The following ADGRG1 variants were observed in gnomAD, a reference collection of about 807,000 sequenced individuals.
ADGRG1 encodes the protein 7-transmembrane protein with no EGF-like N-terminal domains-1.
In ADGRG1, 53 loss-of-function variants were observed where a neutral mutation model predicts 73.5. The observed-to-expected ratio is 0.72, with a 90% CI of 0.58 to 0.91. ADGRG1 has a LOEUF of 0.91. Ranked by LOEUF, ADGRG1 falls within the 40% of genes least tolerant of loss-of-function variation. ADGRG1 has a pLI of 0.00. For missense variants in ADGRG1, 795 were observed against 871.8 expected (o/e 0.91, Z 1.11); for synonymous variants, 394 against 374.4 (o/e 1.05, Z -0.60).
intron 1 of ADGRG1, chr16:57,630,247 T>C (rs1409376127): frequency 2.1e-6 from 1 of 481,140 alleles, no homozygotes; most frequent in African/African-American, 2.1e-5. Flanking sequence ...AGAAGGAGCA[T>C]ATCTGGGCAT....
At chr16:57,655,691 T>G in intron 6 of ADGRG1, 161 bp downstream of exon 6, 3 of 985,392 alleles carry the variant, frequency 3.0e-6, no homozygotes, top group Non-Finnish European at 3.6e-6. Flanking sequence ...GTGAGAGGGC[T>G]AAGCAATGTT....
At position 57,659,961 on chromosome 16, in the gene ADGRG1, C is replaced by G. The variant is rs77069272; in HGVS notation, c.1555+280C>G. On this transcript the variant is annotated intron_variant, in intron 11 of 13. Transcript: ENST00000562631. ...ACCGTGTGTGAATGTGCAGGTTGTG[C>G]ACTGCTCAAAGGCACCCAGTTCAGA... is the stretch of plus-strand genomic sequence containing the variant. 0.017 allele frequency among the ~76,000 whole-genome samples: 2,644 copies of G among 152,324 alleles called. 143 individuals are homozygous for G. In the East Asian group the frequency reaches 0.2, roughly 11 times the overall value.
Position 57,663,762 on chromosome 16 carries a change from G to T in ADGRG1, c.*180G>T. ...GACTCCCGGGCTGGGCTTTTGAATT[G>T]GCCTTGGGGACTACTCGGCTCTCAC... is the stretch of plus-strand genomic sequence containing the variant. On this transcript the variant is annotated 3_prime_UTR_variant, in exon 14 of 14. Coordinates refer to ENST00000562631, the MANE Select transcript of ADGRG1 (RefSeq NM_201525.4). 1 of 689,684 alleles carries T rather than the reference G, an allele frequency of 1.4e-6. No homozygotes were observed. Among genetic ancestry groups the T allele is most frequent in the East Asian group, 2.7e-5 (1 of 36,854 alleles). The allele number at this position is 689,684 out of a possible 1,614,324, so 42.7% of individuals were successfully genotyped here. A position where few individuals can be genotyped will look rare whatever the true frequency, so the allele number is the denominator to read the frequency against.
intron 1 of ADGRG1, chr16:57,639,158 G>A: frequency 1.8e-6 from 1 of 552,988 alleles, no homozygotes; most frequent in Non-Finnish European, 2.3e-6. Context: ...CCTCTCTCGA[G>A]AAATTGGAAG....
chr16:57,661,610 TA>T, intron 12 of ADGRG1, 86 bp from the exon 13 acceptor site: 1 of 1,544,170 alleles, frequency 6.5e-7, no homozygotes. Context: ...AAACAGTGGA[TA>T]ATCCTGAAAA....
chr16:57,662,552 C>T (rs746488647), intron 13 of ADGRG1, among the ~76,000 whole-genome samples: 5 of 152,112 alleles, frequency 3.3e-5, no homozygotes, highest in Non-Finnish European at 7.4e-5. Flanking sequence ...CAAGGGGTCA[C>T]GTGCACATGA....
chr16:57,626,717 T>G (rs1046171993), upstream of ADGRG1: 98 of 984,638 alleles, frequency 1.0e-4, no homozygotes, highest in Non-Finnish European at 1.1e-4. Flanking sequence ...GTGGGGTGTG[T>G]GTGTGGTGGT....
chr16:57,630,083 T>G, intron 1 of ADGRG1: 1 of 840,096 alleles, frequency 1.2e-6, no homozygotes, highest in Non-Finnish European at 1.4e-6. Context: ...GCGCTTACTG[T>G]GCACTCTGTG....
chr16:57,644,423 TCA>T lies in ADGRG1; in HGVS notation c.-35-5824_-35-5823del, dbSNP rs377201180. Among the ~76,000 whole-genome samples, 388 of 136,172 alleles carry T rather than the reference TCA, an allele frequency of 2.8e-3. 2 individuals are homozygous for T. Among genetic ancestry groups the T allele is most frequent in the Admixed American group, 3.5e-3 (48 of 13,538 alleles). The allele number at this position is 136,172 out of a possible 152,430, so 89.3% of individuals were successfully genotyped here. A position where few individuals can be genotyped will look rare whatever the true frequency, so the allele number is the denominator to read the frequency against. On this transcript the variant is annotated intron_variant, in intron 1 of 13. Transcript: ENST00000562631. ...ACTAATGCATGGGCACACACACTCGTCACACACTCCTCACACATTCATGCACA... is the reference window on the plus strand; with the variant it reads ...ACTAATGCATGGGCACACACACTCGTCACACTCCTCACACATTCATGCACA...
At position 57,651,188 on chromosome 16, in the gene ADGRG1, C is replaced by G. The variant is rs756507968; in HGVS notation, c.65-12C>G. 6.2e-7 allele frequency: 1 copy of G among 1,614,010 alleles called. No homozygotes were observed. Among genetic ancestry groups the G allele is most frequent in the Non-Finnish European group, 8.5e-7 (1 of 1,180,022 alleles). On this transcript the variant is annotated splice_polypyrimidine_tract_variant and intron_variant, in intron 2 of 13. Transcript: ENST00000562631. Reference sequence around the variant, plus strand: ...TGCCACGGGGTCCCATCTGCAGCCTCTGCCTCCTCAGGTGCCCACGGCAGG... The same window carrying G: ...TGCCACGGGGTCCCATCTGCAGCCTGTGCCTCCTCAGGTGCCCACGGCAGG...
intron 1 of ADGRG1, chr16:57,643,895 T>TG (rs2041520217): frequency 7.8e-6 from 2 of 255,184 alleles, no homozygotes; most frequent in African/African-American, 1.3e-4. Context: ...GGCTGAGGGG[T>TG]GGGGGGACTG....
intron 1 of ADGRG1, chr16:57,635,484 A>C: frequency 4.1e-6 from 4 of 985,286 alleles, no homozygotes; most frequent in Non-Finnish European, 4.8e-6. Flanking sequence ...CTTCATGGAG[A>C]TCCTGCAGCA....
intron 1 of ADGRG1, chr16:57,648,562 G>A: frequency 2.0e-6 from 2 of 983,926 alleles, no homozygotes; most frequent in Non-Finnish European, 2.4e-6. Context: ...GCCCAGGAAG[G>A]AGACATTGAG....
intron 1 of ADGRG1, 115 bp downstream of exon 1, chr16:57,628,917 A>G (rs919418509): frequency 2.7e-6 from 2 of 739,526 alleles, no homozygotes; most frequent in African/African-American, 3.7e-5. Flanking sequence ...AGTGTGTGAG[A>G]GTGAGTGTGA....
chr16:57,628,695 A>T lies in ADGRG1; in HGVS notation c.-143A>T. On this transcript the variant is annotated 5_prime_UTR_variant, in exon 1 of 14. Coordinates refer to ENST00000562631, the MANE Select transcript of ADGRG1 (RefSeq NM_201525.4). Reference sequence around the variant, plus strand: ...GGGAGCCTCCCACGCTCTCCAGCTCACTCGGCAGGCAGCGGGGACCAGGGC... The same window carrying T: ...GGGAGCCTCCCACGCTCTCCAGCTCTCTCGGCAGGCAGCGGGGACCAGGGC... The T allele has an allele frequency of 2.0e-6, 2 of 985,378 alleles. No individual in the cohort carries two copies. Among genetic ancestry groups the T allele is most frequent in the African/African-American group, 3.5e-5 (2 of 57,332 alleles). The allele number at this position is 985,378 out of a possible 1,614,324, so 61.0% of individuals were successfully genotyped here. A position where few individuals can be genotyped will look rare whatever the true frequency, so the allele number is the denominator to read the frequency against.
intron 6 of ADGRG1, 150 bp downstream of exon 6, chr16:57,655,680 T>G: frequency 6.3e-7 from 1 of 1,588,120 alleles, no homozygotes; most frequent in South Asian, 1.1e-5. Flanking sequence ...CAAATCTCCC[T>G]GTGAGAGGGC....
chr16:57,637,455 C>T (rs1567693819), intron 1 of ADGRG1: 1 of 985,328 alleles, frequency 1.0e-6, no homozygotes, highest in Non-Finnish European at 1.2e-6. Context: ...TGGTGTGCCT[C>T]GTCTGTACCT....
rs1372784137 is a variant in ADGRG1 at position 57,657,481 on chromosome 16, C to T, written c.1276C>T (p.Leu426Phe). 1.2e-6 allele frequency: 2 copies of T among 1,612,702 alleles called. No individual in the cohort carries two copies. Among genetic ancestry groups the T allele is most frequent in the Non-Finnish European group, 1.7e-6 (2 of 1,178,890 alleles). The change falls in exon 10 of 14, where the codon CTC becomes TTC. Residue 426 changes from leucine (L) to phenylalanine (F), a missense_variant. Transcript: ENST00000562631. The stretch of plus-strand genomic sequence containing the variant: ...CTGCCTTGTCACCATTGCCGCCTAC[C>T]TCTGCTCCAGGTGAGGCCTGAAAGG... Reference protein sequence around the residue: ...LACLVTIAAYLCSRRKPRDYT... With the variant: ...LACLVTIAAYFCSRRKPRDYT...
In ADGRG1 at chr16:57,629,066, G is replaced by GTA. The variant is rs1388670717; in HGVS notation, c.-36+264_-36+265insTA. On this transcript the variant is annotated intron_variant, in intron 1 of 13. Transcript: ENST00000562631. ...AGTGAGTGTGTGTGAGTATGAGTGT[G>GTA]AGTGTGAGTGTGGGAGTGTATGTGA... 5.8e-5 allele frequency: 34 copies of GTA among 582,750 alleles called. No individual in the cohort carries two copies. The African/African-American group carries it at 6.3e-4, about 11-fold the overall frequency. 36.1% of individuals were successfully genotyped at this position (582,750 alleles called of 1,614,324 possible). A position where few individuals can be genotyped will look rare whatever the true frequency, so the allele number is the denominator to read the frequency against.
Sources: gnomAD v4.1 joint callset for allele counts (sites outside exome capture counted in the v4.1 genomes callset) on GRCh38, gnomAD v4.1.1 for gene constraint, MANE v1.5 for transcripts, NCBI Gene and HGNC (gene_info 2026-07-23, HGNC 2026-07-21) for gene names.